The following SEMA5A variants were observed in gnomAD, a reference collection of about 807,000 sequenced individuals.
SEMA5A encodes the protein semaphorin 5A, also known as semaphorin-5A.
A neutral mutation model predicts 135.5 loss-of-function variants in SEMA5A; 55 were observed. The ratio of observed to expected loss-of-function variants is 0.41; its 90% CI spans 0.33 to 0.51. SEMA5A has a LOEUF of 0.51. SEMA5A is among the 20% of genes least tolerant of loss of function. The pLI is 0.37. For missense variants in SEMA5A, 1,290 were observed against 1,419.9 expected (o/e 0.91, Z 1.47); for synonymous variants, 580 against 546.5 (o/e 1.06, Z -0.85).
intron 5 of SEMA5A, among the ~76,000 whole-genome samples, chr5:9,244,303 T>C (rs1348761999): frequency 6.6e-6 from 1 of 152,176 alleles, no homozygotes; most frequent in Non-Finnish European, 1.5e-5. Flanking sequence ...ATCTAGAAAA[T>C]TCTGCCATGT....
intron 5 of SEMA5A, among the ~76,000 whole-genome samples, chr5:9,297,795 C>G (rs1751415518): frequency 6.6e-6 from 1 of 151,292 alleles, no homozygotes; most frequent in African/African-American, 2.4e-5. Context: ...CTCCTGGGCT[C>G]AAGCCACCTG....
intron 11 of SEMA5A, among the ~76,000 whole-genome samples, chr5:9,163,749 C>T (rs1236893919): frequency 1.3e-5 from 2 of 151,546 alleles, no homozygotes; most frequent in African/African-American, 4.9e-5. Context: ...TGAGTGTTGT[C>T]CTTATAAAAA....
rs1359042950 is a variant in SEMA5A at position 9,545,415 on chromosome 5, T to C, written c.-175+169A>G. 2.0e-5 allele frequency among the ~76,000 whole-genome samples: 3 copies of C among 151,898 alleles called. No homozygotes were observed. The highest frequency in any genetic ancestry group is 7.3e-5 in the African/African-American group (3 of 41,322). On this transcript the variant is annotated intron_variant, in intron 1 of 22. Transcript: ENST00000382496. This position sits in a 1 kb window ranked among gnomAD's most constrained non-coding sequence, Gnocchi z 4.5. ...CCCGGACTGACGGTCGTCCTAATCC[T>C]GTACGCGCAACCCCCGCCCAGGTGC...
intron 5 of SEMA5A, among the ~76,000 whole-genome samples, chr5:9,247,726 C>T (rs766192800): frequency 6.6e-6 from 1 of 152,086 alleles, no homozygotes; most frequent in Non-Finnish European, 1.5e-5. Flanking sequence ...TCCTTATGAA[C>T]CTTATTCAGC....
chr5:9,236,911 A>G (rs183556171), intron 6 of SEMA5A, among the ~76,000 whole-genome samples: 2 of 152,272 alleles, frequency 1.3e-5, no homozygotes, highest in Admixed American at 1.3e-4. Flanking sequence ...AGACAATGAA[A>G]TTGGGTAAAA....
Position 9,472,397 on chromosome 5 carries a change from T to A in SEMA5A, c.-174-34545A>T, listed in dbSNP as rs16882864. Among the ~76,000 whole-genome samples the A allele has an allele frequency of 5.2e-3, 798 of 152,340 alleles. 6 individuals are homozygous for A. The highest frequency in any genetic ancestry group is 0.018 in the African/African-American group (761 of 41,580). ...AGCATTACCTGACTTTGGAAATCAA[T>A]TCTGTGCTGTGAGAATAAGGTTTGA... is the stretch of plus-strand genomic sequence containing the variant. On this transcript the variant is annotated intron_variant, in intron 1 of 22. Coordinates refer to ENST00000382496, the MANE Select transcript of SEMA5A (RefSeq NM_003966.3).
intron 2 of SEMA5A, among the ~76,000 whole-genome samples, chr5:9,412,554 C>T (rs1579500121): frequency 4.8e-5 from 5 of 103,152 alleles, no homozygotes; most frequent in Admixed American, 2.2e-4. Context: ...AATCTCTTAT[C>T]TGAAATGCTT....
At chr5:9,111,160 G>A (rs1904453) in intron 15 of SEMA5A, among the ~76,000 whole-genome samples, 4,706 of 152,192 alleles carry the variant, frequency 0.031, 253 homozygotes, top group African/African-American at 0.11. Context: ...TCTATGTGTA[G>A]CTCACTGTGG....
chr5:9,336,741 G>C (rs939586130), intron 4 of SEMA5A, among the ~76,000 whole-genome samples: 3 of 152,102 alleles, frequency 2.0e-5, no homozygotes, highest in Non-Finnish European at 4.4e-5. Context: ...CCTAGAAACT[G>C]TTCAATGTTT....
chr5:9,166,340 AT>A (rs1303494480), intron 11 of SEMA5A, among the ~76,000 whole-genome samples: 18 of 151,954 alleles, frequency 1.2e-4, no homozygotes, highest in African/African-American at 4.4e-4. Flanking sequence ...GGCTCCCACA[AT>A]CACAGGCCGT....
chr5:9,136,399 T>C, intron 13 of SEMA5A, 105 bp downstream of exon 13: 2 of 942,646 alleles, frequency 2.1e-6, no homozygotes, highest in Non-Finnish European at 1.7e-6. Flanking sequence ...AAAATGGTTC[T>C]CATATGAAAA....
chr5:9,289,865 C>T (rs1750992056), intron 5 of SEMA5A, among the ~76,000 whole-genome samples: 1 of 152,080 alleles, frequency 6.6e-6, no homozygotes, highest in African/African-American at 2.4e-5. Flanking sequence ...TCCACTGAAA[C>T]TTCCCTTTTG....
chr5:9,317,200 A>T (rs1456869306), intron 5 of SEMA5A, among the ~76,000 whole-genome samples: 4 of 152,238 alleles, frequency 2.6e-5, no homozygotes, highest in African/African-American at 9.6e-5. Context: ...GTGGAAAGAC[A>T]ATTTATTGTC....
chr5:9,336,032 C>T (rs1280654915), intron 4 of SEMA5A, among the ~76,000 whole-genome samples: 4 of 151,878 alleles, frequency 2.6e-5, no homozygotes, highest in Admixed American at 2.6e-4. Flanking sequence ...GTTACTAGGG[C>T]CACACAGGAC....
intron 11 of SEMA5A, among the ~76,000 whole-genome samples, chr5:9,173,692 G>A (rs1457316914): frequency 2.0e-5 from 3 of 152,142 alleles, no homozygotes; most frequent in Admixed American, 6.5e-5. Context: ...TTTCAATCTG[G>A]AGGGACACAG....
At chr5:9,209,026 T>C (rs1377872221) in intron 8 of SEMA5A, among the ~76,000 whole-genome samples, 1 of 152,130 alleles carries the variant, frequency 6.6e-6, no homozygotes, top group East Asian at 1.9e-4. Flanking sequence ...ATATGACCCA[T>C]TGAAAATACA....
At chr5:9,378,572 T>C (rs112106796) in intron 3 of SEMA5A, among the ~76,000 whole-genome samples, 228 of 152,296 alleles carry the variant, frequency 1.5e-3, no homozygotes, top group African/African-American at 5.2e-3. Context: ...AGAGGAATAT[T>C]TGAAGCACAC....
chr5:9,310,289 A>T (rs568430123), intron 5 of SEMA5A, among the ~76,000 whole-genome samples: 1 of 152,286 alleles, frequency 6.6e-6, no homozygotes, highest in African/African-American at 2.4e-5. Context: ...ATAAAACTTC[A>T]TTAACTATTA....
chr5:9,425,121 C>T (rs1373690232), intron 2 of SEMA5A, among the ~76,000 whole-genome samples: 1 of 152,250 alleles, frequency 6.6e-6, no homozygotes, highest in African/African-American at 2.4e-5. Context: ...ATTCACACCA[C>T]TGTCCCTTTC....
Sources: allele counts gnomAD v4.1 joint callset (sites outside exome capture counted in the v4.1 genomes callset), GRCh38; gene constraint gnomAD v4.1.1; non-coding constraint Gnocchi (gnomAD v3.1); transcripts MANE v1.5; gene names NCBI Gene and HGNC (gene_info 2026-07-23, HGNC 2026-07-21).